ASAP1: variants seen among roughly 807,000 people sequenced by gnomAD.
The protein encoded by ASAP1 is ArfGAP with SH3 domain, ankyrin repeat and PH domain 1, also known as arf-GAP with SH3 domain, ANK repeat and PH domain-containing protein 1.
ASAP1 carries 43 observed loss-of-function variants against 145.2 expected under a neutral mutation model. The observed-to-expected ratio is 0.30, with a 90% CI of 0.23 to 0.38. ASAP1 has a LOEUF of 0.38. ASAP1 is among the 10% of genes least tolerant of loss of function. The pLI is 1.00. For missense variants in ASAP1, 1,018 were observed against 1,355.3 expected (o/e 0.75, Z 3.91); for synonymous variants, 546 against 515.5 (o/e 1.06, Z -0.80).
chr8:130,442,766 T>C (rs1830529655), intron 1 of ASAP1, among the ~76,000 whole-genome samples: 1 of 152,062 alleles, frequency 6.6e-6, no homozygotes, highest in Non-Finnish European at 1.5e-5. Flanking sequence ...AAGATGAACC[T>C]CTTGGGATGT....
At chr8:130,229,392 C>T (rs1377381686) in intron 4 of ASAP1, among the ~76,000 whole-genome samples, 3 of 152,104 alleles carry the variant, frequency 2.0e-5, no homozygotes, top group African/African-American at 7.2e-5. Flanking sequence ...CAGGAAAATA[C>T]AATCCTACTT....
chr8:130,256,027 A>G (rs1205316811), intron 3 of ASAP1, among the ~76,000 whole-genome samples: 1 of 152,158 alleles, frequency 6.6e-6, no homozygotes, highest in Non-Finnish European at 1.5e-5. Context: ...TTCAGACAGA[A>G]TATCTTATTA....
At chr8:130,280,423 C>T (rs1429361947) in intron 3 of ASAP1, among the ~76,000 whole-genome samples, 1 of 152,226 alleles carries the variant, frequency 6.6e-6, no homozygotes, top group Non-Finnish European at 1.5e-5. Context: ...AATCTTTTGA[C>T]AACTAGTCCT....
intron 4 of ASAP1, among the ~76,000 whole-genome samples, chr8:130,233,290 C>T (rs1348889166): frequency 3.9e-5 from 6 of 152,122 alleles, no homozygotes; most frequent in Non-Finnish European, 2.9e-5. Context: ...AATAGCTGGT[C>T]TCAGAGAGCT....
intron 1 of ASAP1, among the ~76,000 whole-genome samples, chr8:130,411,923 C>A (rs980529904): frequency 1.8e-4 from 27 of 152,270 alleles, no homozygotes; most frequent in Admixed American, 7.8e-4. Context: ...CCAGCCTCCA[C>A]CCTGTCCAAA....
chr8:130,368,746 T>A (rs576519436), intron 2 of ASAP1, among the ~76,000 whole-genome samples: 4 of 152,196 alleles, frequency 2.6e-5, no homozygotes, highest in Non-Finnish European at 5.9e-5. Flanking sequence ...GGCCTAAGAA[T>A]GATCATAACC....
rs78838731 is a variant in ASAP1, at chr8:130,169,339, C to T, written c.747-272G>A. On this transcript the variant is annotated intron_variant, in intron 9 of 29. Transcript: ENST00000518721. The stretch of plus-strand genomic sequence containing the variant: ...ACAAGGACACTGGAAATTACAGTTG[C>T]AGTCCCAAAACAGTGATTTCATAAC... 6.9e-3 allele frequency among the ~76,000 whole-genome samples: 1,054 copies of T among 152,312 alleles called. 13 individuals carry two copies. The highest frequency in any genetic ancestry group is 0.024 in the African/African-American group (1,016 of 41,564).
chr8:130,174,091 CAAAAAAAAAA>C lies in ASAP1; in HGVS notation c.747-5034_747-5025del, dbSNP rs57123447. Among the ~76,000 whole-genome samples the C allele has an allele frequency of 9.6e-5, 6 of 62,732 alleles. 1 individual carries two copies. 41.2% of individuals were successfully genotyped at this position (62,732 alleles called of 152,430 possible). Reference sequence around the variant, plus strand: ...TGACAGAGTGGCAAGACTCCGTCTCCAAAAAAAAAAAAAAAAAAAAAAAAAGGCTTAGGAG... The same window carrying C: ...TGACAGAGTGGCAAGACTCCGTCTCCAAAAAAAAAAAAAAAGGCTTAGGAG... On this transcript the variant is annotated intron_variant, in intron 9 of 29. Coordinates refer to ENST00000518721, the MANE Select transcript of ASAP1 (RefSeq NM_018482.4).
intron 24 of ASAP1, among the ~76,000 whole-genome samples, chr8:130,111,743 A>T (rs1195560037): frequency 6.6e-6 from 1 of 152,202 alleles, no homozygotes; most frequent in African/African-American, 2.4e-5. Flanking sequence ...TGGACCTCAG[A>T]TTGAATCTCA....
At chr8:130,070,187 T>C (rs376831769) in intron 27 of ASAP1, among the ~76,000 whole-genome samples, 11 of 152,096 alleles carry the variant, frequency 7.2e-5, no homozygotes, top group Non-Finnish European at 5.9e-5. Flanking sequence ...CAGGCGCCCG[T>C]CACCATGCCC....
At chr8:130,382,638 G>C (rs1309230808) in intron 2 of ASAP1, among the ~76,000 whole-genome samples, 1 of 152,174 alleles carries the variant, frequency 6.6e-6, no homozygotes, top group Admixed American at 6.5e-5. Flanking sequence ...CTTGAGGCCA[G>C]GAGTTTGAGA....
At chr8:130,443,009 G>A (rs1466741802) in intron 1 of ASAP1, among the ~76,000 whole-genome samples, 2 of 152,164 alleles carry the variant, frequency 1.3e-5, no homozygotes, top group African/African-American at 2.4e-5. Flanking sequence ...GCAGCGCCGG[G>A]TCCGGGTAGG....
Position 130,195,072 on chromosome 8 carries a change from T to C in ASAP1, c.406-6889A>G, listed in dbSNP as rs565742944. 2.6e-5 allele frequency: 4 copies of C among 152,328 alleles called. No homozygotes were observed. In the East Asian group the frequency reaches 7.7e-4, roughly 29 times the overall value. The allele number at this position is 152,328 out of a possible 1,614,324, so 9.4% of individuals were successfully genotyped here. A position where few individuals can be genotyped will look rare whatever the true frequency, so the allele number is the denominator to read the frequency against. On this transcript the variant is annotated intron_variant, in intron 5 of 29. Coordinates refer to ENST00000518721, the MANE Select transcript of ASAP1 (RefSeq NM_018482.4). ...TTATTTCCCATTGATTTTACTAAAA[T>C]TCTATTGATTACTCTATCTCCATTT...
chr8:130,188,670 G>A (rs549143862), intron 5 of ASAP1, among the ~76,000 whole-genome samples: 1 of 118,644 alleles, frequency 8.4e-6, no homozygotes, highest in African/African-American at 2.9e-5. Context: ...GGAGGCGGAG[G>A]TTGCAGTGAG....
chr8:130,169,788 G>C (rs769924874), intron 9 of ASAP1, among the ~76,000 whole-genome samples: 5 of 152,154 alleles, frequency 3.3e-5, no homozygotes, highest in Non-Finnish European at 7.3e-5. Flanking sequence ...TTGTAAAACT[G>C]AGGTACAGAG....
chr8:130,341,944 C>G (rs1462389808), intron 3 of ASAP1, among the ~76,000 whole-genome samples: 1 of 152,254 alleles, frequency 6.6e-6, no homozygotes, highest in East Asian at 1.9e-4. Context: ...AGCCAGCTAC[C>G]CTGTAAGGTG....
At chr8:130,111,445 T>G (rs529369748) in intron 24 of ASAP1, among the ~76,000 whole-genome samples, 11 of 152,238 alleles carry the variant, frequency 7.2e-5, no homozygotes, top group Non-Finnish European at 1.2e-4. Flanking sequence ...GAACCTGGGT[T>G]AGAATCCCAG....
intron 11 of ASAP1, among the ~76,000 whole-genome samples, chr8:130,165,803 A>G (rs2097678795): frequency 6.6e-6 from 1 of 152,228 alleles, no homozygotes; most frequent in Non-Finnish European, 1.5e-5. Context: ...TATTCACTCA[A>G]TAAAGAAAAC....
rs367970312 is a variant in ASAP1, at chr8:130,319,704, C to T, written c.186+38313G>A. 1.4e-4 allele frequency among the ~76,000 whole-genome samples: 21 copies of T among 152,144 alleles called. No homozygotes were observed. The East Asian group carries it at 2.5e-3, about 18-fold the overall frequency. Reference sequence around the variant, plus strand: ...TCAAAAAGATGAACAGAGCAACGCACGTATTAAAATAGCGGAGGGATGGAA... The same window carrying T: ...TCAAAAAGATGAACAGAGCAACGCATGTATTAAAATAGCGGAGGGATGGAA... On this transcript the variant is annotated intron_variant, in intron 3 of 29. Transcript: ENST00000518721.
Sources: gnomAD v4.1 joint callset for allele counts (sites outside exome capture counted in the v4.1 genomes callset) on GRCh38, gnomAD v4.1.1 for gene constraint, MANE v1.5 for transcripts, NCBI Gene and HGNC (gene_info 2026-07-23, HGNC 2026-07-21) for gene names.